UCK2: variants seen among roughly 807,000 people sequenced by gnomAD.
UCK2 encodes uridine-cytidine kinase 2, also known as cytidine monophosphokinase 2.
Under a neutral mutation model 30.8 loss-of-function variants are expected in UCK2, and 6 were observed. The ratio of observed to expected loss-of-function variants is 0.19; its 90% CI spans 0.11 to 0.38. UCK2 has a LOEUF of 0.38. Ranked by LOEUF, UCK2 falls within the 10% of genes least tolerant of loss-of-function variation. The probability of loss-of-function intolerance (pLI) is 1.00; values close to 1 mark genes in which losing one functional copy is unlikely to be tolerated. For missense variants in UCK2, 210 were observed against 339.8 expected, an observed-to-expected ratio of 0.62 and a Z score of 3.00; for synonymous variants, 125 against 133.6, an observed-to-expected ratio of 0.94 and a Z score of 0.45.
chr1:165,848,781 C>A (rs1029438286), intron 1 of UCK2, among the ~76,000 whole-genome samples: 4 of 152,122 alleles, frequency 2.6e-5, no homozygotes, highest in African/African-American at 9.7e-5. Flanking sequence ...CCCTTCACGT[C>A]TTTATTCTTA....
At chr1:165,841,948 T>C (rs928869018) in intron 1 of UCK2, among the ~76,000 whole-genome samples, 2 of 152,176 alleles carry the variant, frequency 1.3e-5, no homozygotes, top group African/African-American at 4.8e-5. Context: ...ACCAAGTAAA[T>C]GCTACAGTCA....
chr1:165,875,561 C>T (rs1412014821), intron 1 of UCK2, among the ~76,000 whole-genome samples: 1 of 152,180 alleles, frequency 6.6e-6, no homozygotes, highest in Non-Finnish European at 1.5e-5. Flanking sequence ...AAAACTGCCC[C>T]TGCCCCCTGC....
intron 4 of UCK2, 194 bp from the exon 5 acceptor site, chr1:165,902,988 G>T: frequency 2.3e-6 from 1 of 442,536 alleles, no homozygotes; most frequent in Non-Finnish European, 4.1e-6. Context: ...TTTGACCATT[G>T]TAAGATGTCA....
At chr1:165,868,476 A>T (rs1001978289) in intron 1 of UCK2, among the ~76,000 whole-genome samples, 1 of 152,220 alleles carries the variant, frequency 6.6e-6, no homozygotes, top group African/African-American at 2.4e-5. Flanking sequence ...TACCTTCATC[A>T]GTTATTTTAG....
In UCK2 at chr1:165,827,747, G is replaced by A; in HGVS notation, c.-87G>A. On this transcript the variant is annotated 5_prime_UTR_variant, in exon 1 of 7. Transcript: ENST00000367879. ...GCCCCGGCAGCGCCCAGCGGCGGCTGCGGAAAGCGGAGGGAGTCCGACGCG... is the reference window on the plus strand; with the variant it reads ...GCCCCGGCAGCGCCCAGCGGCGGCTACGGAAAGCGGAGGGAGTCCGACGCG... 2 of 1,187,732 alleles carry A rather than the reference G, an allele frequency of 1.7e-6. No individual in the cohort carries two copies. Among genetic ancestry groups the A allele is most frequent in the Non-Finnish European group, 2.1e-6 (2 of 930,826 alleles). 73.6% of individuals were successfully genotyped at this position (1,187,732 alleles called of 1,614,324 possible).
chr1:165,840,021 C>T (rs1654288468), intron 1 of UCK2, among the ~76,000 whole-genome samples: 1 of 152,196 alleles, frequency 6.6e-6, no homozygotes, highest in Non-Finnish European at 1.5e-5. Context: ...CGGGTTCAAG[C>T]AATTCTCCTG....
intron 1 of UCK2, among the ~76,000 whole-genome samples, chr1:165,886,700 G>A (rs1166297070): frequency 2.0e-5 from 3 of 152,236 alleles, no homozygotes; most frequent in Admixed American, 6.5e-5. Flanking sequence ...TAGTGAAAGA[G>A]ATACAGAGGT....
rs566924344 is a variant in UCK2, at chr1:165,911,420, C to G, written c.*3597C>G. 5.9e-5 allele frequency: 9 copies of G among 152,284 alleles called. No homozygotes were observed. The highest frequency in any genetic ancestry group is 1.3e-4 in the Non-Finnish European group (9 of 68,058). 9.4% of individuals were successfully genotyped at this position (152,284 alleles called of 1,614,324 possible). On this transcript the variant is annotated 3_prime_UTR_variant, in exon 7 of 7. Coordinates refer to ENST00000367879, the MANE Select transcript of UCK2 (RefSeq NM_012474.5). ...CATTCCAGGTCAGCTTGGCTGTGGT[C>G]TTAGAGGCAGGGAGTGCCTACCCAG...
At chr1:165,895,517 G>C (rs1655876325) in intron 3 of UCK2, 1 of 985,418 alleles carries the variant, frequency 1.0e-6, no homozygotes. Context: ...GCATATTTCT[G>C]CTTTATTGAT....
At chr1:165,846,311 A>G (rs747869542) in intron 1 of UCK2, among the ~76,000 whole-genome samples, 7 of 152,154 alleles carry the variant, frequency 4.6e-5, no homozygotes, top group Non-Finnish European at 7.4e-5. Context: ...CTAAAAAACC[A>G]CAACATTTTA....
In UCK2 at chr1:165,836,062, C is replaced by T. The variant is rs528937987; in HGVS notation, c.99+8130C>T. Among the ~76,000 whole-genome samples the T allele has an allele frequency of 1.1e-3, 164 of 152,234 alleles. 2 individuals are homozygous for T. In the Middle Eastern group the frequency reaches 0.041, roughly 38 times the overall value. On this transcript the variant is annotated intron_variant, in intron 1 of 6. Coordinates refer to ENST00000367879, the MANE Select transcript of UCK2 (RefSeq NM_012474.5). The stretch of plus-strand genomic sequence containing the variant: ...TGGCCAACATGGGGAAACCCCGTCT[C>T]TACTAAAATACAAAAATTAGCTGGG...
intron 4 of UCK2, chr1:165,900,331 A>G (rs1182955402): frequency 6.6e-6 from 1 of 152,236 alleles, no homozygotes; most frequent in Non-Finnish European, 1.5e-5. Context: ...TTTTATGCAC[A>G]TCTCTGTATT....
At chr1:165,845,919 G>A (rs572010798) in intron 1 of UCK2, among the ~76,000 whole-genome samples, 19 of 152,128 alleles carry the variant, frequency 1.2e-4, no homozygotes, top group African/African-American at 3.4e-4. Flanking sequence ...CTCCTGCCTC[G>A]GCCTCCGAAA....
At chr1:165,853,359 T>A (rs1654645967) in intron 1 of UCK2, among the ~76,000 whole-genome samples, 4 of 151,968 alleles carry the variant, frequency 2.6e-5, no homozygotes, top group Non-Finnish European at 4.4e-5. Flanking sequence ...ATTTGATATT[T>A]TTTTTTTTGT....
At chr1:165,874,569 CAA>C (rs1655286586) in intron 1 of UCK2, among the ~76,000 whole-genome samples, 1 of 152,174 alleles carries the variant, frequency 6.6e-6, no homozygotes, top group Non-Finnish European at 1.5e-5. Context: ...CTTTAATAGA[CAA>C]AGACTGAATC....
chr1:165,842,422 A>T lies in UCK2; in HGVS notation c.99+14490A>T, dbSNP rs546233575. On this transcript the variant is annotated intron_variant, in intron 1 of 6. Coordinates refer to ENST00000367879, the MANE Select transcript of UCK2 (RefSeq NM_012474.5). ...TATCCAGAATGAGACCCCTAACAAT[A>T]CCTGCCTCCTGTTCCTAGCCACAGA... Among the ~76,000 whole-genome samples, 45 of 152,138 alleles carry T rather than the reference A, an allele frequency of 3.0e-4. No individual in the cohort carries two copies. The South Asian group carries it at 7.5e-3, about 25-fold the overall frequency.
chr1:165,861,412 A>T (rs1309265813), intron 1 of UCK2, among the ~76,000 whole-genome samples: 1 of 151,860 alleles, frequency 6.6e-6, no homozygotes, highest in East Asian at 1.9e-4. Flanking sequence ...GCGGATCACG[A>T]GGTCCGGACA....
intron 1 of UCK2, among the ~76,000 whole-genome samples, chr1:165,868,683 A>G (rs535836445): frequency 1.2e-4 from 18 of 152,358 alleles, no homozygotes; most frequent in African/African-American, 4.1e-4. Context: ...GCTCTGGATT[A>G]GGCTTTGGTT....
rs188790133 is a variant in UCK2 at position 165,847,243 on chromosome 1, G to T, written c.99+19311G>T. Among the ~76,000 whole-genome samples the T allele has an allele frequency of 3.4e-3, 522 of 152,260 alleles. 1 individual carries two copies. The highest frequency in any genetic ancestry group is 5.7e-3 in the Non-Finnish European group (390 of 68,018). ...TGTCAATTTTCCTCATCAATAAAAT[G>T]GGTACCAAAGTAGTGCCTGCCTGTA... On this transcript the variant is annotated intron_variant, in intron 1 of 6. Transcript: ENST00000367879.
Sources: gnomAD v4.1 joint callset for allele counts (sites outside exome capture counted in the v4.1 genomes callset) on GRCh38, gnomAD v4.1.1 for gene constraint, MANE v1.5 for transcripts, NCBI Gene and HGNC (gene_info 2026-07-23, HGNC 2026-07-21) for gene names.